Variants in PARD3B observed in about 807,000 individuals in gnomAD.
PARD3B encodes partitioning defective 3 homolog B.
A neutral mutation model predicts 130.2 loss-of-function variants in PARD3B; 103 were observed. That is an observed-to-expected ratio of 0.79 (90% CI 0.67 to 0.93). The LOEUF is 0.93. Among genes scored for constraint, PARD3B ranks in the 40% least tolerant of loss-of-function variants. The probability of loss-of-function intolerance (pLI) is 0.00; values close to 1 mark genes in which losing one functional copy is unlikely to be tolerated. For missense variants in PARD3B, 1,609 were observed against 1,499.2 expected (o/e 1.07, Z -1.21); for synonymous variants, 583 against 553.2 (o/e 1.05, Z -0.76).
intron 1 of PARD3B, among the ~76,000 whole-genome samples, chr2:204,608,733 C>T (rs1574542416): frequency 6.6e-6 from 1 of 152,164 alleles, no homozygotes; most frequent in East Asian, 1.9e-4. Context: ...GTTACTCCCC[C>T]TCCTCCCTGC....
chr2:205,124,313 T>A lies in PARD3B; in HGVS notation c.1166-14T>A. ...CTTAAGATGACTATACATTTTCCTG[T>A]TCTTATACACTAGGCCCTGAAGGAC... On this transcript the variant is annotated splice_polypyrimidine_tract_variant and intron_variant, in intron 8 of 22. Coordinates refer to ENST00000406610, the MANE Select transcript of PARD3B (RefSeq NM_001302769.2). The A allele has an allele frequency of 6.6e-7, 1 of 1,516,166 alleles. No individual in the cohort carries two copies. Among genetic ancestry groups the A allele is most frequent in the South Asian group, 1.4e-5 (1 of 71,070 alleles). 93.9% of individuals were successfully genotyped at this position (1,516,166 alleles called of 1,614,324 possible).
intron 22 of PARD3B, among the ~76,000 whole-genome samples, chr2:205,598,349 AC>A (rs1329692458): frequency 6.6e-6 from 1 of 151,972 alleles, no homozygotes; most frequent in Non-Finnish European, 1.5e-5. Context: ...TGAATGAACA[AC>A]CATCAGAAAG....
At chr2:205,347,140 C>G (rs998987821) in intron 18 of PARD3B, among the ~76,000 whole-genome samples, 1 of 152,136 alleles carries the variant, frequency 6.6e-6, no homozygotes, top group Non-Finnish European at 1.5e-5. Flanking sequence ...CTGGTTACCT[C>G]TCTTCAAATT....
chr2:205,602,947 G>T (rs1439135522), intron 22 of PARD3B, among the ~76,000 whole-genome samples: 1 of 152,042 alleles, frequency 6.6e-6, no homozygotes, highest in Admixed American at 6.5e-5. Context: ...TTTTAATTGT[G>T]ATGTTAGGGT....
At chr2:204,563,796 C>T (rs1306146694) in intron 1 of PARD3B, among the ~76,000 whole-genome samples, 7 of 152,000 alleles carry the variant, frequency 4.6e-5, no homozygotes, top group Non-Finnish European at 8.8e-5. Context: ...TTTTTTGAGA[C>T]GGAGTCTTGC....
intron 18 of PARD3B, among the ~76,000 whole-genome samples, chr2:205,357,975 C>G (rs1386721677): frequency 2.0e-5 from 3 of 152,194 alleles, no homozygotes; most frequent in Non-Finnish European, 2.9e-5. Flanking sequence ...ACAGAATCAC[C>G]TGGTGAACTG....
At chr2:204,728,067 G>A (rs531535554) in intron 2 of PARD3B, among the ~76,000 whole-genome samples, 19 of 152,148 alleles carry the variant, frequency 1.2e-4, no homozygotes, top group Non-Finnish European at 1.8e-4. Flanking sequence ...GGCACTTAGC[G>A]CGGGAGGATG....
chr2:204,707,177 CAT>C (rs1306458094), intron 2 of PARD3B, among the ~76,000 whole-genome samples: 2 of 152,188 alleles, frequency 1.3e-5, no homozygotes, highest in African/African-American at 4.8e-5. Context: ...CCTACACATG[CAT>C]ATGTGTGCTC....
chr2:204,740,362 T>G (rs2039958311), intron 2 of PARD3B, among the ~76,000 whole-genome samples: 2 of 152,188 alleles, frequency 1.3e-5, no homozygotes, highest in Admixed American at 1.3e-4. Context: ...TATTTTCTGA[T>G]TGCTCTGTAT....
At chr2:204,646,144 G>A (rs2032691) in intron 1 of PARD3B, among the ~76,000 whole-genome samples, 119,328 of 152,016 alleles carry the variant, frequency 0.78, 47,337 homozygotes, top group East Asian at 0.9. Flanking sequence ...ACTTTAAATA[G>A]AAGCTATAAA....
At chr2:204,650,353 G>A (rs1463009422) in intron 1 of PARD3B, among the ~76,000 whole-genome samples, 1 of 152,086 alleles carries the variant, frequency 6.6e-6, no homozygotes, top group Non-Finnish European at 1.5e-5. Context: ...TCCTCAAAGA[G>A]TTAAAAACAG....
intron 2 of PARD3B, among the ~76,000 whole-genome samples, chr2:204,848,726 TTAAAAA>T: frequency 6.6e-6 from 1 of 151,628 alleles, no homozygotes; most frequent in East Asian, 1.9e-4. Context: ...TAAACATATA[TTAAAAA>T]TAAAGTCTGT....
At chr2:205,089,646 T>C (rs1701978593) in intron 4 of PARD3B, among the ~76,000 whole-genome samples, 1 of 152,190 alleles carries the variant, frequency 6.6e-6, no homozygotes, top group Admixed American at 6.5e-5. Context: ...TTTTCCTTTC[T>C]GGTGAGATGG....
chr2:205,053,566 G>T (rs1055149180), intron 4 of PARD3B, among the ~76,000 whole-genome samples: 2 of 151,976 alleles, frequency 1.3e-5, no homozygotes, highest in East Asian at 1.9e-4. Flanking sequence ...CTTGAACCTG[G>T]GAGGCAGAGG....
chr2:205,036,659 G>A (rs890932910), intron 3 of PARD3B, among the ~76,000 whole-genome samples: 62 of 137,052 alleles, frequency 4.5e-4, no homozygotes, highest in Non-Finnish European at 6.8e-4. Context: ...TATACACAGC[G>A]GACTGTATGT....
intron 2 of PARD3B, among the ~76,000 whole-genome samples, chr2:204,875,665 C>T: frequency 6.6e-6 from 1 of 152,118 alleles, no homozygotes. Context: ...TTTTATCTGA[C>T]AATTTATGTG....
chr2:204,733,647 A>G (rs890224071), intron 2 of PARD3B, among the ~76,000 whole-genome samples: 6 of 152,144 alleles, frequency 3.9e-5, no homozygotes, highest in African/African-American at 1.4e-4. Flanking sequence ...CAGACTTCCT[A>G]TAAAGCTACT....
intron 18 of PARD3B, among the ~76,000 whole-genome samples, chr2:205,349,800 C>CT (rs11417800): frequency 0.17 from 17,287 of 102,264 alleles, 1,724 homozygotes; most frequent in African/African-American, 0.25. Flanking sequence ...TTCTTTTTCT[C>CT]TTTTTTTTTT....
At chr2:205,165,779 C>T (rs1200847176) in intron 11 of PARD3B, among the ~76,000 whole-genome samples, 6 of 149,798 alleles carry the variant, frequency 4.0e-5, no homozygotes, top group Non-Finnish European at 7.4e-5. Flanking sequence ...ATAAAAGCTT[C>T]ATATGCCCAC....
Sources: allele counts gnomAD v4.1 joint callset (sites outside exome capture counted in the v4.1 genomes callset), GRCh38; gene constraint gnomAD v4.1.1; transcripts MANE v1.5; gene names NCBI Gene and HGNC (gene_info 2026-07-23, HGNC 2026-07-21).